CA2: variants seen among roughly 807,000 people sequenced by gnomAD.
CA2 encodes the protein carbonate dehydratase II.
A neutral mutation model predicts 27.8 loss-of-function variants in CA2; 23 were observed. That is an observed-to-expected ratio of 0.83 (90% CI 0.59 to 1.17). The LOEUF is 1.17. Among genes scored for constraint, CA2 ranks in the 50% most tolerant of loss-of-function variants. The probability of loss-of-function intolerance (pLI) is 0.00; values close to 1 mark genes in which losing one functional copy is unlikely to be tolerated. For missense variants in CA2, 300 were observed against 314.7 expected, an observed-to-expected ratio of 0.95 and a Z score of 0.35; for synonymous variants, 99 against 114.9, an observed-to-expected ratio of 0.86 and a Z score of 0.88.
rs553482175 is a variant in CA2, at chr8:85,464,146, G to GCCCCGAT, written c.34+59_34+65dup. On this transcript the variant is annotated intron_variant, in intron 1 of 6. Transcript: ENST00000285379. ...TGCCGGCGACGGCCAGCGCGGGGGC[G>GCCCCGAT]CCCCGATCCCCGATCCCCGATCCCC... The GCCCCGAT allele has an allele frequency of 2.5e-4, 377 of 1,512,566 alleles. 3 individuals carry two copies. Among genetic ancestry groups the GCCCCGAT allele is most frequent in the South Asian group, 1.6e-3 (134 of 82,082 alleles). 93.7% of individuals were successfully genotyped at this position (1,512,566 alleles called of 1,614,324 possible).
At chr8:85,474,214 T>C in intron 3 of CA2, 110 bp from the exon 4 acceptor site, 2 of 854,698 alleles carry the variant, frequency 2.3e-6, no homozygotes, top group Admixed American at 1.7e-5. Flanking sequence ...AAATTATCCA[T>C]ATTTTCAATT....
chr8:85,464,274 G>A, intron 1 of CA2, 159 bp downstream of exon 1: 2 of 558,616 alleles, frequency 3.6e-6, no homozygotes, highest in South Asian at 5.8e-5. Context: ...CCGGGCGCTC[G>A]CTCCGCTCGC....
Position 85,481,448 on chromosome 8 carries a change from A to G in CA2, c.*659A>G, listed in dbSNP as rs961041281. ...TTCAGACAATATATCATAACTTAAT[A>G]AATATTGTATTTTAGATATATTCTC... On this transcript the variant is annotated 3_prime_UTR_variant, in exon 7 of 7. Coordinates refer to ENST00000285379, the MANE Select transcript of CA2 (RefSeq NM_000067.3). The G allele has an allele frequency of 6.6e-6, 1 of 152,232 alleles. No homozygotes were observed. Among genetic ancestry groups the G allele is most frequent in the African/African-American group, 2.4e-5 (1 of 41,456 alleles). 9.4% of individuals were successfully genotyped at this position (152,232 alleles called of 1,614,324 possible). A position where few individuals can be genotyped will look rare whatever the true frequency, so the allele number is the denominator to read the frequency against.
Position 85,466,785 on chromosome 8 carries a change from G to A in CA2, c.232+1316G>A, listed in dbSNP as rs138672261. ...AAAGGTTGTACATTGAAAACAGTTC[G>A]GTGATTCTGCTACATTGCTTTCCCA... On this transcript the variant is annotated intron_variant, in intron 2 of 6. Transcript: ENST00000285379. 9.7e-3 allele frequency among the ~76,000 whole-genome samples: 1,471 copies of A among 152,120 alleles called. 13 individuals are homozygous for A. Among genetic ancestry groups the A allele is most frequent in the Non-Finnish European group, 0.015 (1,007 of 67,980 alleles).
intron 4 of CA2, 71 bp from the exon 5 acceptor site, chr8:85,475,727 C>A (rs1163339734): frequency 2.0e-5 from 27 of 1,379,810 alleles, no homozygotes; most frequent in Non-Finnish European, 2.6e-5. Context: ...AATAGAGCTA[C>A]CCAAATAAAA....
chr8:85,475,086 T>A (rs1032594350), intron 4 of CA2, among the ~76,000 whole-genome samples: 4 of 152,056 alleles, frequency 2.6e-5, no homozygotes, highest in African/African-American at 9.7e-5. Flanking sequence ...GGCAGGAGGA[T>A]AGTTTGAGGC....
intron 4 of CA2, among the ~76,000 whole-genome samples, chr8:85,475,312 A>C (rs1811777354): frequency 7.6e-6 from 1 of 130,738 alleles, no homozygotes; most frequent in Non-Finnish European, 1.6e-5. Context: ...TTGAGGTTGC[A>C]GTGAGCTATG....
chr8:85,476,810 A>G (rs1360355185), intron 5 of CA2, among the ~76,000 whole-genome samples: 3 of 152,168 alleles, frequency 2.0e-5, no homozygotes, highest in Non-Finnish European at 4.4e-5. Context: ...CTCACTTTAA[A>G]TACTGGGTGT....
chr8:85,477,084 G>A (rs1260707322), intron 5 of CA2, 36 bp from the exon 6 acceptor site: 14 of 1,611,480 alleles, frequency 8.7e-6, no homozygotes, highest in Non-Finnish European at 1.2e-5. Flanking sequence ...CTCTGTCAAT[G>A]TGATAGTTTG....
At chr8:85,469,285 A>G (rs1414001826) in intron 2 of CA2, among the ~76,000 whole-genome samples, 2 of 152,178 alleles carry the variant, frequency 1.3e-5, no homozygotes, top group Non-Finnish European at 2.9e-5. Context: ...ATGAGATTTC[A>G]GCCTTCTAGA....
intron 6 of CA2, among the ~76,000 whole-genome samples, 159 bp from the exon 7 acceptor site, chr8:85,480,511 A>G (rs7009157): frequency 2.0e-5 from 3 of 151,790 alleles, no homozygotes; most frequent in African/African-American, 7.2e-5. Flanking sequence ...GCTGACCTCA[A>G]GTGATCCACC....
At chr8:85,474,241 T>C (rs1811753165) in intron 3 of CA2, 83 bp from the exon 4 acceptor site, 4 of 1,003,076 alleles carry the variant, frequency 4.0e-6, no homozygotes, top group African/African-American at 1.6e-5. Context: ...GTAACCTTTA[T>C]TGTGAGAAAA....
chr8:85,471,781 A>G (rs1811716448), intron 2 of CA2, among the ~76,000 whole-genome samples: 2 of 151,836 alleles, frequency 1.3e-5, no homozygotes, highest in African/African-American at 2.4e-5. Flanking sequence ...TTTAATTTTT[A>G]TATATTATTA....
chr8:85,477,087 A>G (rs1236934286), intron 5 of CA2, 33 bp from the exon 6 acceptor site: 1 of 1,612,322 alleles, frequency 6.2e-7, no homozygotes, highest in Non-Finnish European at 8.5e-7. Context: ...TGTCAATGTG[A>G]TAGTTTGAAG....
At chr8:85,467,799 A>G (rs1811650656) in intron 2 of CA2, among the ~76,000 whole-genome samples, 1 of 152,204 alleles carries the variant, frequency 6.6e-6, no homozygotes, top group Non-Finnish European at 1.5e-5. Context: ...TCTGGAGAGC[A>G]ATGCATACAT....
intron 2 of CA2, 104 bp from the exon 3 acceptor site, chr8:85,473,589 G>A (rs1334453310): frequency 1.4e-6 from 1 of 710,120 alleles, no homozygotes; most frequent in East Asian, 2.7e-5. Flanking sequence ...GTAATATTTA[G>A]GCATGTGTTT....
chr8:85,469,431 G>T (rs1811682533), intron 2 of CA2, among the ~76,000 whole-genome samples: 1 of 152,144 alleles, frequency 6.6e-6, no homozygotes, highest in Non-Finnish European at 1.5e-5. Context: ...AAACTACGGA[G>T]TTAATAGGAT....
chr8:85,471,311 G>A (rs1387026159), intron 2 of CA2, among the ~76,000 whole-genome samples: 2 of 151,952 alleles, frequency 1.3e-5, no homozygotes, highest in Admixed American at 1.3e-4. Flanking sequence ...TATTTTAACA[G>A]GGGCTAAAAC....
intron 1 of CA2, chr8:85,464,332 C>T (rs947410281): frequency 8.6e-6 from 4 of 464,096 alleles, no homozygotes; most frequent in Non-Finnish European, 7.5e-6. Context: ...TGCGAGGCCA[C>T]TGTGGAGGAA....
Sources: gnomAD v4.1 joint callset for allele counts (sites outside exome capture counted in the v4.1 genomes callset) on GRCh38, gnomAD v4.1.1 for gene constraint, MANE v1.5 for transcripts, NCBI Gene and HGNC (gene_info 2026-07-23, HGNC 2026-07-21) for gene names.